Variants in NSMCE2 observed in about 807,000 individuals in gnomAD.
NSMCE2 encodes NSE2 SUMO ligase component of SMC5/6 complex, also known as E3 SUMO-protein ligase NSE2.
NSMCE2 carries 24 observed loss-of-function variants against 23.8 expected under a neutral mutation model. That is an observed-to-expected ratio of 1.01 (90% confidence interval 0.73 to 1.42). The LOEUF is 1.42. Among genes scored for constraint, NSMCE2 ranks in the 40% most tolerant of loss-of-function variants. The pLI is 0.00. For synonymous variants in NSMCE2, 92 were observed against 94.1 expected, an observed-to-expected ratio of 0.98 and a Z score of 0.13; for missense variants, 284 against 296.5, an observed-to-expected ratio of 0.96 and a Z score of 0.31.
intron 3 of NSMCE2, among the ~76,000 whole-genome samples, chr8:125,103,346 G>A (rs1409152063): frequency 6.6e-6 from 1 of 151,978 alleles, no homozygotes; most frequent in Non-Finnish European, 1.5e-5. Context: ...TTTCTTTGGA[G>A]TAGAATCGTT....
At chr8:125,182,577 G>T in intron 5 of NSMCE2, 1 of 415,978 alleles carries the variant, frequency 2.4e-6, no homozygotes, top group Non-Finnish European at 4.2e-6. Flanking sequence ...AAATAACAAT[G>T]GTATCGTTCA....
At chr8:125,109,855 C>T (rs372611614) in intron 3 of NSMCE2, among the ~76,000 whole-genome samples, 36 of 152,002 alleles carry the variant, frequency 2.4e-4, no homozygotes, top group African/African-American at 8.0e-4. Context: ...CTAAATTTGT[C>T]GATATTCTAG....
At chr8:125,366,336 C>A (rs1435236618) in intron 7 of NSMCE2, among the ~76,000 whole-genome samples, 2 of 152,108 alleles carry the variant, frequency 1.3e-5, no homozygotes, top group South Asian at 2.1e-4. Flanking sequence ...GTCAGGAGAT[C>A]GAGACCATCC....
At chr8:125,115,679 G>A (rs1818970904) in intron 3 of NSMCE2, among the ~76,000 whole-genome samples, 1 of 152,116 alleles carries the variant, frequency 6.6e-6, no homozygotes, top group Non-Finnish European at 1.5e-5. Flanking sequence ...AGAACCAGGT[G>A]GGTGGAGGTT....
At chr8:125,292,102 C>A (rs955709977) in intron 5 of NSMCE2, among the ~76,000 whole-genome samples, 1 of 151,962 alleles carries the variant, frequency 6.6e-6, no homozygotes, top group Non-Finnish European at 1.5e-5. Flanking sequence ...AGTACCACAC[C>A]TACCTACAAG....
At chr8:125,321,753 A>G (rs1039743138) in intron 5 of NSMCE2, among the ~76,000 whole-genome samples, 1 of 152,218 alleles carries the variant, frequency 6.6e-6, no homozygotes, top group Non-Finnish European at 1.5e-5. Context: ...ACTAATCTGT[A>G]TAATTCACCA....
intron 5 of NSMCE2, among the ~76,000 whole-genome samples, chr8:125,252,386 A>G (rs1165019325): frequency 6.6e-6 from 1 of 151,966 alleles, no homozygotes; most frequent in African/African-American, 2.4e-5. Flanking sequence ...AATTAGCTGG[A>G]TGTGGTGGTG....
At chr8:125,278,618 G>A (rs1320810538) in intron 5 of NSMCE2, among the ~76,000 whole-genome samples, 1 of 152,182 alleles carries the variant, frequency 6.6e-6, no homozygotes, top group African/African-American at 2.4e-5. Flanking sequence ...TGTTTCCTCA[G>A]CAATGAGTGT....
At chr8:125,307,920 C>G (rs2131220361) in intron 5 of NSMCE2, among the ~76,000 whole-genome samples, 1 of 152,280 alleles carries the variant, frequency 6.6e-6, no homozygotes, top group Middle Eastern at 3.4e-3. Context: ...CAGTTTGTTG[C>G]AACATACAAA....
At chr8:125,239,934 C>T (rs2130975527) in intron 5 of NSMCE2, among the ~76,000 whole-genome samples, 1 of 152,164 alleles carries the variant, frequency 6.6e-6, no homozygotes, top group South Asian at 2.1e-4. Context: ...AAGTGTGTCG[C>T]CCACTCTGAT....
intron 3 of NSMCE2, among the ~76,000 whole-genome samples, chr8:125,114,103 C>T (rs1394353886): frequency 6.6e-6 from 1 of 152,136 alleles, no homozygotes; most frequent in Non-Finnish European, 1.5e-5. Context: ...CCCGGTATGT[C>T]TAGGCCCTTG....
chr8:125,132,504 T>C (rs1346585139), intron 3 of NSMCE2, among the ~76,000 whole-genome samples: 2 of 150,214 alleles, frequency 1.3e-5, no homozygotes, highest in Non-Finnish European at 3.0e-5. Context: ...TTTTGGTTTT[T>C]TTTTTTGAGA....
intron 5 of NSMCE2, among the ~76,000 whole-genome samples, chr8:125,317,260 C>G (rs995351789): frequency 1.3e-5 from 2 of 151,682 alleles, no homozygotes; most frequent in Non-Finnish European, 2.9e-5. Context: ...TGCAGTGATG[C>G]AATCACAGCT....
In NSMCE2 at chr8:125,142,930, A is replaced by G. The variant is rs556939630; in HGVS notation, c.158-8241A>G. Among the ~76,000 whole-genome samples, 7 of 152,304 alleles carry G rather than the reference A, an allele frequency of 4.6e-5. No individual in the cohort carries two copies. The South Asian group carries it at 1.5e-3, about 32-fold the overall frequency. On this transcript the variant is annotated intron_variant, in intron 3 of 7. Transcript: ENST00000287437. ...TATTCAGTTTTAATTTTGCCACACT[A>G]ATATCTATGTGGAGGAATAATTACA... is the stretch of plus-strand genomic sequence containing the variant.
At chr8:125,245,693 C>G (rs1825933342) in intron 5 of NSMCE2, among the ~76,000 whole-genome samples, 1 of 152,012 alleles carries the variant, frequency 6.6e-6, no homozygotes, top group Admixed American at 6.6e-5. Flanking sequence ...ATAAAATGAT[C>G]AATCTAAGAG....
intron 3 of NSMCE2, among the ~76,000 whole-genome samples, chr8:125,121,730 A>G (rs1389825647): frequency 2.6e-5 from 4 of 152,192 alleles, no homozygotes; most frequent in Admixed American, 1.3e-4. Context: ...TGTACCTGGC[A>G]TGTTATAAAT....
chr8:125,265,580 T>G (rs894404395), intron 5 of NSMCE2, among the ~76,000 whole-genome samples: 5 of 152,206 alleles, frequency 3.3e-5, no homozygotes, highest in Non-Finnish European at 1.5e-5. Flanking sequence ...TTTATTCAGT[T>G]TTTTGTTTTT....
At chr8:125,101,241 A>G (rs192541334) in intron 1 of NSMCE2, among the ~76,000 whole-genome samples, 1 of 152,202 alleles carries the variant, frequency 6.6e-6, no homozygotes, top group African/African-American at 2.4e-5. Flanking sequence ...AAAAAGGACT[A>G]ATAATGGAGA....
chr8:125,233,102 G>A (rs55843815), intron 5 of NSMCE2, among the ~76,000 whole-genome samples: 10,700 of 152,224 alleles, frequency 0.07, 492 homozygotes, highest in Non-Finnish European at 0.095. Flanking sequence ...TCACTTTGAA[G>A]CTTGCCCAGT....
Sources: allele counts gnomAD v4.1 joint callset (sites outside exome capture counted in the v4.1 genomes callset), GRCh38; gene constraint gnomAD v4.1.1; transcripts MANE v1.5; gene names NCBI Gene and HGNC (gene_info 2026-07-23, HGNC 2026-07-21).